The following NUF2 variants were observed in gnomAD, a reference collection of about 807,000 sequenced individuals.
The protein encoded by NUF2 is NUF2 component of NDC80 kinetochore complex, also known as kinetochore protein Nuf2.
A neutral mutation model predicts 61.8 loss-of-function variants in NUF2; 34 were observed. The observed-to-expected ratio is 0.55, with a 90% CI of 0.42 to 0.73. NUF2 has a LOEUF of 0.73. NUF2 is among the 30% of genes least tolerant of loss of function. The probability of loss-of-function intolerance (pLI) is 0.00; values close to 1 mark genes in which losing one functional copy is unlikely to be tolerated. For synonymous variants in NUF2, 172 were observed against 181.6 expected (o/e 0.95, Z 0.42); for missense variants, 445 against 539.1 (o/e 0.83, Z 1.73).
chr1:163,325,056 C>A (rs1223153698), intron 1 of NUF2, among the ~76,000 whole-genome samples: 1 of 152,038 alleles, frequency 6.6e-6, no homozygotes, highest in African/African-American at 2.4e-5. Flanking sequence ...GCCACCATGC[C>A]TGGCTAATTT....
intron 13 of NUF2, 83 bp downstream of exon 13, chr1:163,349,163 GTC>G: frequency 8.3e-7 from 1 of 1,202,422 alleles, no homozygotes; most frequent in East Asian, 2.4e-5. Flanking sequence ...AGCTTACTTG[GTC>G]TCTGTGTAAT....
intron 13 of NUF2, among the ~76,000 whole-genome samples, chr1:163,349,570 A>G (rs544270205): frequency 1.6e-4 from 24 of 152,236 alleles, no homozygotes; most frequent in African/African-American, 5.3e-4. Context: ...TACATTGACA[A>G]CTTAGATTGA....
At chr1:163,351,908 T>G (rs562809257) in intron 13 of NUF2, among the ~76,000 whole-genome samples, 2 of 152,322 alleles carry the variant, frequency 1.3e-5, no homozygotes, top group East Asian at 3.9e-4. Context: ...ATTTATCTCT[T>G]CTAGTTTCAA....
intron 2 of NUF2, 43 bp from the exon 3 acceptor site, chr1:163,327,445 T>C: frequency 9.8e-7 from 1 of 1,021,576 alleles, no homozygotes; most frequent in Non-Finnish European, 1.6e-6. Flanking sequence ...GACATAGCTT[T>C]AGAGTTATGC....
Position 163,343,400 on chromosome 1 carries a change from C to A in NUF2, c.670-333C>A, listed in dbSNP as rs369308076. On this transcript the variant is annotated intron_variant, in intron 9 of 13. Transcript: ENST00000271452. ...GTGGGATAATGATATTCTAGGAGGA[C>A]CCTACTGGTCAAAGAAAGATCACTT... is the stretch of plus-strand genomic sequence containing the variant. Among the ~76,000 whole-genome samples the A allele has an allele frequency of 9.2e-5, 14 of 152,152 alleles. No individual in the cohort carries two copies. In the East Asian group the frequency reaches 2.5e-3, roughly 27 times the overall value.
intron 13 of NUF2, among the ~76,000 whole-genome samples, chr1:163,349,822 G>T (rs1174517791): frequency 6.6e-6 from 1 of 152,042 alleles, no homozygotes; most frequent in East Asian, 1.9e-4. Flanking sequence ...AGGAAAGGAA[G>T]AGGGAAACTG....
At chr1:163,331,963 A>C (rs1650612361) in intron 5 of NUF2, among the ~76,000 whole-genome samples, 1 of 151,312 alleles carries the variant, frequency 6.6e-6, no homozygotes, top group East Asian at 1.9e-4. Context: ...CTGGTTTTTG[A>C]TTATTATTGA....
rs1446750952 is a variant in NUF2 at position 163,328,318 on chromosome 1, G to T, written c.275+14G>T. 1 of 1,502,790 alleles carries T rather than the reference G, an allele frequency of 6.7e-7. No homozygotes were observed. Among genetic ancestry groups the T allele is most frequent in the East Asian group, 2.3e-5 (1 of 43,968 alleles). The allele number at this position is 1,502,790 out of a possible 1,614,324, so 93.1% of individuals were successfully genotyped here. The stretch of plus-strand genomic sequence containing the variant: ...AGTTACTCATCTGTGAGTAAAGAGT[G>T]ATTTTATTGTCTTCGTCTACATTCG... On this transcript the variant is annotated intron_variant, in intron 4 of 13. Coordinates refer to ENST00000271452, the MANE Select transcript of NUF2 (RefSeq NM_145697.3).
intron 5 of NUF2, among the ~76,000 whole-genome samples, chr1:163,333,524 T>C (rs1435159753): frequency 6.6e-6 from 1 of 151,896 alleles, no homozygotes; most frequent in Non-Finnish European, 1.5e-5. Context: ...TAAAATAAAT[T>C]TTATTTTATA....
At chr1:163,328,822 GTCT>G in intron 4 of NUF2, 21 bp from the exon 5 acceptor site, 1 of 1,498,946 alleles carries the variant, frequency 6.7e-7, no homozygotes, top group East Asian at 2.3e-5. Flanking sequence ...CTTTTCAATA[GTCT>G]TTTTGTACTT....
rs912102579 is a variant in NUF2 at position 163,344,624 on chromosome 1, G to A, written c.807+754G>A. Among the ~76,000 whole-genome samples, 18 of 62,438 alleles carry A rather than the reference G, an allele frequency of 2.9e-4. 1 individual carries two copies. The highest frequency in any genetic ancestry group is 8.9e-4 in the African/African-American group (18 of 20,148). 41.0% of individuals were successfully genotyped at this position (62,438 alleles called of 152,430 possible). Reference sequence around the variant, plus strand: ...GGGTTACTGTGGGAGATGGATTGACGTGGTGCAATACAAACTTAGAAGTGG... The same window carrying A: ...GGGTTACTGTGGGAGATGGATTGACATGGTGCAATACAAACTTAGAAGTGG... On this transcript the variant is annotated intron_variant, in intron 10 of 13. Transcript: ENST00000271452.
chr1:163,328,737 A>G, intron 4 of NUF2, 109 bp from the exon 5 acceptor site: 1 of 725,044 alleles, frequency 1.4e-6, no homozygotes, highest in South Asian at 1.8e-5. Flanking sequence ...ACTGACCTTA[A>G]GAAATATATC....
intron 1 of NUF2, 21 bp from the exon 2 acceptor site, chr1:163,326,011 C>T (rs754179791): frequency 1.3e-6 from 2 of 1,594,340 alleles, no homozygotes; most frequent in Non-Finnish European, 1.7e-6. Context: ...TGGTATTTCT[C>T]ATTGTTTTTT....
chr1:163,345,714 T>G lies in NUF2; in HGVS notation c.844T>G (p.Ser282Ala). 1 of 1,613,128 alleles carries G rather than the reference T, an allele frequency of 6.2e-7. No individual in the cohort carries two copies. Among genetic ancestry groups the G allele is most frequent in the Non-Finnish European group, 8.5e-7 (1 of 1,179,358 alleles). The change falls in exon 11 of 14, where the codon TCA (serine) becomes GCA (alanine). Residue 282 changes from serine (S) to alanine (A), a missense_variant. Transcript: ENST00000271452. ...VVEKYEIYGD[S>A]VDCLPSCQLE... ...GGAGAAATATGAAATCTATGGAGAC[T>G]CAGTTGACTGCCTGCCTTCATGTCA...
intron 7 of NUF2, among the ~76,000 whole-genome samples, chr1:163,338,682 A>G (rs1650842162): frequency 6.6e-6 from 1 of 152,132 alleles, no homozygotes; most frequent in African/African-American, 2.4e-5. Context: ...ACAGGCAGAC[A>G]TTAGAATATA....
chr1:163,343,858 TAA>T lies in NUF2; in HGVS notation c.799_800del (p.Asn267CysfsTer10). The T allele has an allele frequency of 4.3e-6, 6 of 1,408,266 alleles. No individual in the cohort carries two copies. The highest frequency in any genetic ancestry group is 5.6e-6 in the Non-Finnish European group (6 of 1,073,216). 87.2% of individuals were successfully genotyped at this position (1,408,266 alleles called of 1,614,324 possible). A position where few individuals can be genotyped will look rare whatever the true frequency, so the allele number is the denominator to read the frequency against. On this transcript the variant is annotated frameshift_variant, in exon 10 of 14. Coordinates refer to ENST00000271452, the MANE Select transcript of NUF2 (RefSeq NM_145697.3). LOFTEE classifies it high-confidence loss of function. ...AAATGAAAGATACGGTCCAGAAGCT[TAA>T]AAATGCCAGAGTGAGTTTTCTTTTT... ...EKMKDTVQKL[K>X]NARQEVVEKY...
intron 7 of NUF2, among the ~76,000 whole-genome samples, chr1:163,338,502 G>T (rs1184504939): frequency 2.6e-5 from 4 of 151,926 alleles, no homozygotes; most frequent in African/African-American, 9.7e-5. Flanking sequence ...TGACTTATAG[G>T]TTATGTAGGG....
chr1:163,338,511 G>A (rs1650837202), intron 7 of NUF2, among the ~76,000 whole-genome samples: 1 of 151,846 alleles, frequency 6.6e-6, no homozygotes, highest in African/African-American at 2.4e-5. Context: ...GGTTATGTAG[G>A]GAAAAGAATC....
chr1:163,335,985 A>G (rs1650744798), intron 5 of NUF2, among the ~76,000 whole-genome samples: 1 of 152,080 alleles, frequency 6.6e-6, no homozygotes, highest in Admixed American at 6.5e-5. Flanking sequence ...TCTTTTCTCT[A>G]TCCCCTTTAT....
Sources: gnomAD v4.1 joint callset for allele counts (sites outside exome capture counted in the v4.1 genomes callset) on GRCh38, gnomAD v4.1.1 for gene constraint, MANE v1.5 for transcripts, NCBI Gene and HGNC (gene_info 2026-07-23, HGNC 2026-07-21) for gene names.